The following RARB variants were observed in gnomAD, a reference collection of about 807,000 sequenced individuals.
The protein encoded by RARB is retinoic acid receptor beta.
In RARB, 17 loss-of-function variants were observed where a neutral mutation model predicts 51.9. The ratio of observed to expected loss-of-function variants is 0.33; its 90% CI spans 0.22 to 0.49. The LOEUF is 0.49. Ranked by LOEUF, RARB falls within the 20% of genes least tolerant of loss-of-function variation. The probability of loss-of-function intolerance (pLI) is 0.99; values close to 1 mark genes in which losing one functional copy is unlikely to be tolerated. For synonymous variants in RARB, 215 were observed against 195.4 expected (o/e 1.10, Z -0.84); for missense variants, 369 against 550.8 (o/e 0.67, Z 3.30).
chr3:25,239,514 C>A (rs1045651996), intron 5 of RARB, among the ~76,000 whole-genome samples: 3 of 152,098 alleles, frequency 2.0e-5, no homozygotes, highest in Admixed American at 6.5e-5. Context: ...TATTCTTCTG[C>A]ATATGGGTGT....
chr3:25,077,952 AT>A (rs1206285985), intron 3 of RARB, among the ~76,000 whole-genome samples: 1 of 152,066 alleles, frequency 6.6e-6, no homozygotes, highest in Non-Finnish European at 1.5e-5. Flanking sequence ...GAAGCTGACC[AT>A]TTTTTCCCAT....
At chr3:25,203,989 G>T (rs974997110) in intron 5 of RARB, among the ~76,000 whole-genome samples, 1 of 152,142 alleles carries the variant, frequency 6.6e-6, no homozygotes, top group South Asian at 2.1e-4. Flanking sequence ...TTGCTAGGTT[G>T]GGGAAGTTCT....
chr3:25,179,218 C>A (rs1436386887), intron 5 of RARB, among the ~76,000 whole-genome samples: 2 of 152,116 alleles, frequency 1.3e-5, no homozygotes, highest in Non-Finnish European at 2.9e-5. Flanking sequence ...GCTTTGTTAC[C>A]TAGCTTGTCT....
intron 2 of RARB, among the ~76,000 whole-genome samples, chr3:24,868,883 A>T (rs555544723): frequency 3.3e-5 from 5 of 152,190 alleles, no homozygotes; most frequent in African/African-American, 1.2e-4. Context: ...GGCCAAACCA[A>T]TGTACACTTT....
rs766856884 is a variant in RARB at position 25,320,843 on chromosome 3, G to A, written c.179-140350G>A. Among the ~76,000 whole-genome samples, 25 of 152,220 alleles carry A rather than the reference G, an allele frequency of 1.6e-4. 1 individual carries two copies. The highest frequency in any genetic ancestry group is 4.1e-4 in the South Asian group (2 of 4,826). ...CTCCTGCTTCCTTCAGTCTTGCAGCGTATAGTCAAACCCCAGGCAAAGCCT... is the reference window on the plus strand; with the variant it reads ...CTCCTGCTTCCTTCAGTCTTGCAGCATATAGTCAAACCCCAGGCAAAGCCT... On this transcript the variant is annotated intron_variant, in intron 5 of 11. Coordinates refer to the RARB transcript ENST00000383772.
At chr3:25,143,258 G>A (rs1331977920) in intron 4 of RARB, among the ~76,000 whole-genome samples, 1 of 152,178 alleles carries the variant, frequency 6.6e-6, no homozygotes, top group Non-Finnish European at 1.5e-5. Flanking sequence ...GCAAGAGGCA[G>A]CTACTAAGCT....
At chr3:25,309,495 T>G (rs1364515077) in intron 5 of RARB, among the ~76,000 whole-genome samples, 1 of 99,716 alleles carries the variant, frequency 1.0e-5, no homozygotes, top group Admixed American at 9.4e-5. Context: ...GCTTTTTTTT[T>G]TTTTTTTTTT....
intron 2 of RARB, among the ~76,000 whole-genome samples, chr3:24,953,318 G>A (rs1003170638): frequency 9.2e-5 from 14 of 152,096 alleles, no homozygotes; most frequent in Admixed American, 7.2e-4. Context: ...AGAAAAAAAA[G>A]AAATGAAAAT....
At chr3:25,258,892 A>C in intron 5 of RARB, 1 of 174,600 alleles carries the variant, frequency 5.7e-6, no homozygotes, top group Non-Finnish European at 1.1e-5. Context: ...TCTCAAGAGA[A>C]AGGCATAAAC....
At chr3:25,559,673 T>A (rs1472171582) in intron 3 of RARB, among the ~76,000 whole-genome samples, 1 of 151,862 alleles carries the variant, frequency 6.6e-6, no homozygotes, top group Non-Finnish European at 1.5e-5. Context: ...GGTGGATGGT[T>A]AATTGGTTGG....
intron 2 of RARB, among the ~76,000 whole-genome samples, chr3:24,865,485 C>T (rs1702829863): frequency 6.6e-6 from 1 of 152,094 alleles, no homozygotes; most frequent in African/African-American, 2.4e-5. Flanking sequence ...GCAAATCTAA[C>T]TTCAATAACA....
chr3:25,023,231 T>G (rs1697675233), intron 2 of RARB, among the ~76,000 whole-genome samples: 1 of 152,152 alleles, frequency 6.6e-6, no homozygotes, highest in South Asian at 2.1e-4. Flanking sequence ...CATGCAACCC[T>G]TGGGTACAGG....
chr3:25,435,635 T>A (rs1708401869), intron 1 of RARB, among the ~76,000 whole-genome samples: 1 of 152,228 alleles, frequency 6.6e-6, no homozygotes, highest in Non-Finnish European at 1.5e-5. Flanking sequence ...TGAAGAGAAT[T>A]CTTAAAGGCA....
intron 2 of RARB, among the ~76,000 whole-genome samples, chr3:24,923,525 A>G (rs1397549957): frequency 1.3e-5 from 2 of 151,914 alleles, no homozygotes; most frequent in Non-Finnish European, 2.9e-5. Context: ...TCTATTTTGA[A>G]TCTTCAGCAT....
intron 5 of RARB, among the ~76,000 whole-genome samples, chr3:25,591,185 A>G (rs1180165577): frequency 6.6e-6 from 1 of 152,240 alleles, no homozygotes; most frequent in Non-Finnish European, 1.5e-5. Context: ...AACTACTCAC[A>G]TTAATGATCA....
chr3:25,339,890 C>G (rs547989349), intron 5 of RARB, among the ~76,000 whole-genome samples: 1 of 152,092 alleles, frequency 6.6e-6, no homozygotes, highest in Non-Finnish European at 1.5e-5. Context: ...ATAAAACTTG[C>G]ACAACTCTGG....
intron 5 of RARB, among the ~76,000 whole-genome samples, chr3:25,380,829 T>C (rs1434013085): frequency 6.6e-6 from 1 of 152,114 alleles, no homozygotes; most frequent in African/African-American, 2.4e-5. Context: ...TCGTGACTGG[T>C]TTTGTGCTTA....
At chr3:24,878,531 G>A (rs533845289) in intron 2 of RARB, among the ~76,000 whole-genome samples, 1 of 152,260 alleles carries the variant, frequency 6.6e-6, no homozygotes, top group East Asian at 1.9e-4. Flanking sequence ...TTACTCTAAA[G>A]CAGGACTCTC....
chr3:25,274,594 A>G (rs546290628), intron 5 of RARB, among the ~76,000 whole-genome samples: 1 of 152,296 alleles, frequency 6.6e-6, no homozygotes, highest in South Asian at 2.1e-4. Context: ...ATTTGCTGTA[A>G]TAATGCTGTG....
Sources: gnomAD v4.1 joint callset for allele counts (sites outside exome capture counted in the v4.1 genomes callset) on GRCh38, gnomAD v4.1.1 for gene constraint, MANE v1.5 for transcripts, NCBI Gene and HGNC (gene_info 2026-07-23, HGNC 2026-07-21) for gene names.